The following HECW1 variants were observed in gnomAD, a reference collection of about 807,000 sequenced individuals.
The protein encoded by HECW1 is HECT, C2 and WW domain containing E3 ubiquitin protein ligase 1, also known as E3 ubiquitin-protein ligase HECW1.
HECW1 carries 61 observed loss-of-function variants against 182.3 expected under a neutral mutation model. The ratio of observed to expected loss-of-function variants is 0.33; its 90% CI spans 0.27 to 0.41. The LOEUF is 0.41. HECW1 is among the 10% of genes least tolerant of loss of function. The pLI is 1.00. For synonymous variants in HECW1, 859 were observed against 832.6 expected (o/e 1.03, Z -0.55); for missense variants, 1,739 against 2,108.9 (o/e 0.82, Z 3.44).
intron 5 of HECW1, among the ~76,000 whole-genome samples, chr7:43,329,598 C>A (rs931775046): frequency 6.6e-6 from 1 of 152,064 alleles, no homozygotes; most frequent in African/African-American, 2.4e-5. Flanking sequence ...GCTGCCTCTA[C>A]GGCACATCAT....
intron 16 of HECW1, among the ~76,000 whole-genome samples, chr7:43,473,940 A>C (rs1489449475): frequency 6.6e-6 from 1 of 152,238 alleles, no homozygotes; most frequent in Non-Finnish European, 1.5e-5. Flanking sequence ...CAAGCATAAC[A>C]GTTATGGCAA....
chr7:43,193,824 C>T (rs1399121636), intron 2 of HECW1, among the ~76,000 whole-genome samples: 3 of 152,150 alleles, frequency 2.0e-5, no homozygotes, highest in African/African-American at 7.2e-5. Flanking sequence ...GCCTCTCCTG[C>T]CTTGCTTGTG....
intron 6 of HECW1, among the ~76,000 whole-genome samples, chr7:43,366,144 C>G (rs1217848675): frequency 6.6e-6 from 1 of 150,812 alleles, no homozygotes; most frequent in Middle Eastern, 3.2e-3. Context: ...ACTATCTTTT[C>G]ACTAGTTCAT....
At chr7:43,446,974 A>G (rs1218500950) in intron 11 of HECW1, among the ~76,000 whole-genome samples, 1 of 152,220 alleles carries the variant, frequency 6.6e-6, no homozygotes, top group Non-Finnish European at 1.5e-5. Flanking sequence ...ACATTACTCG[A>G]TAATTACAGC....
At chr7:43,341,237 T>C (rs922863804) in intron 5 of HECW1, among the ~76,000 whole-genome samples, 3 of 151,364 alleles carry the variant, frequency 2.0e-5, no homozygotes, top group Non-Finnish European at 2.9e-5. Flanking sequence ...TGCAGCAAAC[T>C]AACATTGCAC....
intron 2 of HECW1, among the ~76,000 whole-genome samples, chr7:43,228,965 A>C (rs772191046): frequency 2.6e-4 from 40 of 152,208 alleles, no homozygotes; most frequent in Non-Finnish European, 5.1e-4. Context: ...CTGCATCATG[A>C]GTGTCTTTTT....
chr7:43,480,718 C>T (rs939893023), intron 17 of HECW1, among the ~76,000 whole-genome samples: 3 of 145,652 alleles, frequency 2.1e-5, no homozygotes, highest in South Asian at 2.3e-4. Flanking sequence ...CACATATATA[C>T]GCATATATAT....
At chr7:43,451,034 C>A (rs1009832297) in intron 12 of HECW1, 105 bp downstream of exon 12, 1 of 785,896 alleles carries the variant, frequency 1.3e-6, no homozygotes, top group Non-Finnish European at 2.2e-6. Context: ...CGACTCCGTG[C>A]CTTACAGTGT....
chr7:43,522,030 C>T (rs185451186), intron 24 of HECW1, among the ~76,000 whole-genome samples: 8 of 152,282 alleles, frequency 5.3e-5, no homozygotes, highest in Non-Finnish European at 7.3e-5. Flanking sequence ...TTGAGGATAC[C>T]GCAAGGTGTC....
intron 2 of HECW1, among the ~76,000 whole-genome samples, chr7:43,191,892 A>G (rs923252112): frequency 3.6e-4 from 55 of 152,222 alleles, no homozygotes; most frequent in African/African-American, 1.2e-3. Context: ...TGGCTTAGCC[A>G]ATAATTGGTG....
rs777821479 is a variant in HECW1, at chr7:43,554,824, G to A, written c.4709+34G>A. On this transcript the variant is annotated intron_variant, in intron 29 of 29. Coordinates refer to ENST00000395891, the MANE Select transcript of HECW1 (RefSeq NM_015052.5). ...CTCCTGCCAGCCTTCGGGGAAACCT[G>A]CTGAAGAGGGCAAAGTATACTTTGC... is the stretch of plus-strand genomic sequence containing the variant. 13 of 1,574,752 alleles carry A rather than the reference G, an allele frequency of 8.3e-6. No homozygotes were observed. The South Asian group carries it at 1.5e-4, about 18-fold the overall frequency.
intron 3 of HECW1, among the ~76,000 whole-genome samples, chr7:43,261,785 G>A (rs1159619745): frequency 3.3e-5 from 5 of 152,164 alleles, no homozygotes; most frequent in African/African-American, 1.2e-4. Context: ...ACAGTAAGGG[G>A]CCCATCAATG....
At chr7:43,136,195 C>T (rs181857546) in intron 2 of HECW1, among the ~76,000 whole-genome samples, 9 of 152,234 alleles carry the variant, frequency 5.9e-5, no homozygotes, top group Admixed American at 5.2e-4. Flanking sequence ...GCGCCTGATA[C>T]TACTATAGAC....
At chr7:43,148,419 C>T (rs1004171322) in intron 2 of HECW1, among the ~76,000 whole-genome samples, 3 of 151,716 alleles carry the variant, frequency 2.0e-5, no homozygotes, top group Admixed American at 6.6e-5. Flanking sequence ...GAGGATGTGC[C>T]TGCATGTCTC....
intron 3 of HECW1, among the ~76,000 whole-genome samples, chr7:43,274,798 G>A (rs1802900353): frequency 1.3e-5 from 2 of 152,206 alleles, no homozygotes; most frequent in African/African-American, 4.8e-5. Context: ...AGTCACACGT[G>A]AGGACATGTA....
intron 13 of HECW1, among the ~76,000 whole-genome samples, chr7:43,461,301 G>A (rs2077574539): frequency 6.6e-6 from 1 of 152,212 alleles, no homozygotes; most frequent in Non-Finnish European, 1.5e-5. Flanking sequence ...TTTCCACGAG[G>A]CCTGGGCCAC....
At chr7:43,202,574 A>G (rs767699124) in intron 2 of HECW1, among the ~76,000 whole-genome samples, 1 of 151,706 alleles carries the variant, frequency 6.6e-6, no homozygotes, top group Non-Finnish European at 1.5e-5. Flanking sequence ...CCCGGGTTCA[A>G]GCGATTATCG....
chr7:43,422,035 T>A (rs1379344990), intron 8 of HECW1, among the ~76,000 whole-genome samples: 1 of 152,160 alleles, frequency 6.6e-6, no homozygotes, highest in Admixed American at 6.5e-5. Flanking sequence ...GGCTCTGGTG[T>A]GTGAGAAGAA....
In HECW1 at chr7:43,563,089, G is replaced by A. The variant is rs2082253349; in HGVS notation, c.*1163G>A. On this transcript the variant is annotated 3_prime_UTR_variant, in exon 30 of 30. Transcript: ENST00000395891. ...TCCATCGGGACCACACTAGGAAGCT[G>A]CAGAGAGTGATGGTGCTTGTTAGGG... 1 of 202,824 alleles carries A rather than the reference G, an allele frequency of 4.9e-6. No homozygotes were observed. The highest frequency in any genetic ancestry group is 1.0e-5 in the Non-Finnish European group (1 of 98,674). 12.6% of individuals were successfully genotyped at this position (202,824 alleles called of 1,614,324 possible).
Sources: gnomAD v4.1 joint callset for allele counts (sites outside exome capture counted in the v4.1 genomes callset) on GRCh38, gnomAD v4.1.1 for gene constraint, MANE v1.5 for transcripts, NCBI Gene and HGNC (gene_info 2026-07-23, HGNC 2026-07-21) for gene names.